Variants in INSR observed in about 807,000 individuals in gnomAD.
The protein encoded by INSR is insulin receptor, also known as IR.
INSR carries 67 observed loss-of-function variants against 142.6 expected under a neutral mutation model. The observed-to-expected ratio is 0.47, with a 90% CI of 0.39 to 0.58. The LOEUF is 0.58. Ranked by LOEUF, INSR falls within the 20% of genes least tolerant of loss-of-function variation. The probability of loss-of-function intolerance (pLI) is 0.00; values close to 1 mark genes in which losing one functional copy is unlikely to be tolerated. For missense variants in INSR, 1,248 were observed against 1,833.2 expected, an observed-to-expected ratio of 0.68 and a Z score of 5.83; for synonymous variants, 756 against 743.1, an observed-to-expected ratio of 1.02 and a Z score of -0.28.
At chr19:7,178,252 G>C (rs1025220965) in intron 3 of INSR, among the ~76,000 whole-genome samples, 5 of 131,898 alleles carry the variant, frequency 3.8e-5, no homozygotes, top group African/African-American at 1.1e-4. Flanking sequence ...GTGGGGGGGG[G>C]GGTGCCTAGA....
intron 2 of INSR, among the ~76,000 whole-genome samples, chr19:7,221,409 G>T (rs1430874947): frequency 1.9e-5 from 2 of 106,208 alleles, no homozygotes; most frequent in Non-Finnish European, 4.0e-5. Context: ...GAGGAGGAAA[G>T]AAGAAGAAGA....
intron 2 of INSR, among the ~76,000 whole-genome samples, chr19:7,227,460 AT>A (rs1174748094): frequency 6.6e-6 from 1 of 152,014 alleles, no homozygotes; most frequent in East Asian, 1.9e-4. Context: ...TTTTGTAGAG[AT>A]GGGGTTTCAC....
chr19:7,189,715 G>A (rs1348608288), intron 2 of INSR, among the ~76,000 whole-genome samples: 1 of 149,244 alleles, frequency 6.7e-6, no homozygotes, highest in African/African-American at 2.5e-5. Context: ...CCAGGCTGAA[G>A]TACAGCGGTG....
intron 11 of INSR, among the ~76,000 whole-genome samples, chr19:7,149,560 G>A (rs917423209): frequency 6.6e-5 from 10 of 152,200 alleles, no homozygotes; most frequent in African/African-American, 1.7e-4. Context: ...GGTGGCTCAC[G>A]CCTGTAATTC....
chr19:7,274,139 G>A (rs1600119776), intron 1 of INSR, among the ~76,000 whole-genome samples: 2 of 152,132 alleles, frequency 1.3e-5, no homozygotes, highest in African/African-American at 4.8e-5. Flanking sequence ...CACGGGATGG[G>A]TGGTGATGGT....
intron 9 of INSR, among the ~76,000 whole-genome samples, chr19:7,157,908 A>G (rs1261199147): frequency 6.6e-6 from 1 of 152,040 alleles, no homozygotes; most frequent in Admixed American, 6.6e-5. Flanking sequence ...TTAAAAGCCT[A>G]TGAGAGACTG....
At chr19:7,211,595 A>G (rs927046437) in intron 2 of INSR, among the ~76,000 whole-genome samples, 1 of 152,212 alleles carries the variant, frequency 6.6e-6, no homozygotes, top group Admixed American at 6.5e-5. Flanking sequence ...CAACAAAAGA[A>G]AAGTGCACCA....
intron 3 of INSR, among the ~76,000 whole-genome samples, chr19:7,178,442 C>CGGG (rs1040807670): frequency 6.6e-6 from 1 of 152,056 alleles, no homozygotes; most frequent in African/African-American, 2.4e-5. Flanking sequence ...GATACTGGGC[C>CGGG]GGGTGCAGTG....
intron 2 of INSR, among the ~76,000 whole-genome samples, chr19:7,260,131 G>A (rs1353064653): frequency 2.0e-5 from 3 of 152,112 alleles, no homozygotes; most frequent in Non-Finnish European, 4.4e-5. Flanking sequence ...ATTTAAACTC[G>A]TGCATTTAAA....
In INSR at chr19:7,184,378, G is replaced by T. The variant is rs893964695; in HGVS notation, c.912C>A (p.Tyr304Ter). The T allele has an allele frequency of 6.2e-7, 1 of 1,613,920 alleles. No homozygotes were observed. Among genetic ancestry groups the T allele is most frequent in the African/African-American group, 1.3e-5 (1 of 74,868 alleles). The change falls in exon 3 of 22, where the codon TAC becomes TAA. Residue 304 changes from tyrosine (Y) to a stop codon, truncating the protein, a stop_gained. Coordinates refer to ENST00000302850, the MANE Select transcript of INSR (RefSeq NM_000208.4). LOFTEE classifies it high-confidence loss of function. Reference sequence around the variant, plus strand: ...GGATGCACTTGTTGTTGTGAATGACGTACTGGTGGCAGCCCTGCCTCCGCG... The same window carrying T: ...GGATGCACTTGTTGTTGTGAATGACTTACTGGTGGCAGCCCTGCCTCCGCG... ...KNSRRQGCHQ[Y>*]VIHNNKCIPE...
rs966488425 is a variant in INSR, at chr19:7,196,702, T to C, written c.653-12065A>G. 2.0e-5 allele frequency among the ~76,000 whole-genome samples: 3 copies of C among 152,256 alleles called. 1 individual carries two copies. Among genetic ancestry groups the C allele is most frequent in the East Asian group, 1.9e-4 (1 of 5,178 alleles). ...CTCCACATATGTTAATAACATTTTGTTACATTCTTTCCAAAGCTTAAAACT... is the reference window on the plus strand; with the variant it reads ...CTCCACATATGTTAATAACATTTTGCTACATTCTTTCCAAAGCTTAAAACT... On this transcript the variant is annotated intron_variant, in intron 2 of 21. Transcript: ENST00000302850.
intron 2 of INSR, among the ~76,000 whole-genome samples, chr19:7,263,215 G>A (rs1977118322): frequency 1.3e-5 from 2 of 151,812 alleles, no homozygotes; most frequent in African/African-American, 4.8e-5. Context: ...GGAGGCGGAG[G>A]TTGCAGTGAG....
rs1973447509 is a variant in INSR, at chr19:7,153,126, A to ACCACG, written c.2030-200_2030-199insCGTGG. Among the ~76,000 whole-genome samples, 2 of 45,076 alleles carry ACCACG rather than the reference A, an allele frequency of 4.4e-5. 1 individual carries two copies. The highest frequency in any genetic ancestry group is 1.2e-4 in the African/African-American group (2 of 16,010). 29.6% of individuals were successfully genotyped at this position (45,076 alleles called of 152,430 possible). ...ACCACAAACACACAACCACACACACACACCACACACCACACACACCACACA... is the reference window on the plus strand; with the variant it reads ...ACCACAAACACACAACCACACACACACCACGCACCACACACCACACACACCACACA... On this transcript the variant is annotated intron_variant, in intron 9 of 21. Coordinates refer to ENST00000302850, the MANE Select transcript of INSR (RefSeq NM_000208.4).
chr19:7,206,094 G>A (rs151301316), intron 2 of INSR, among the ~76,000 whole-genome samples: 4 of 152,258 alleles, frequency 2.6e-5, no homozygotes, highest in Admixed American at 6.5e-5. Flanking sequence ...AGGGGATGAC[G>A]CACAAAATAG....
intron 2 of INSR, among the ~76,000 whole-genome samples, chr19:7,212,360 C>T (rs986292309): frequency 1.2e-4 from 19 of 152,180 alleles, no homozygotes; most frequent in African/African-American, 4.6e-4. Context: ...GTCACACTGC[C>T]ATTCCCCATC....
chr19:7,213,042 G>T (rs756663971), intron 2 of INSR, among the ~76,000 whole-genome samples: 4 of 152,006 alleles, frequency 2.6e-5, no homozygotes, highest in Admixed American at 6.6e-5. Context: ...TAACAGTGAA[G>T]ATGCTTTAAA....
At chr19:7,274,644 CA>C (rs927123572) in intron 1 of INSR, among the ~76,000 whole-genome samples, 17 of 145,712 alleles carry the variant, frequency 1.2e-4, no homozygotes, top group Admixed American at 1.4e-4. Context: ...ACTAAAAATA[CA>C]AAAAAAAAAT....
intron 1 of INSR, among the ~76,000 whole-genome samples, chr19:7,269,593 C>T (rs1568230509): frequency 6.6e-6 from 1 of 151,594 alleles, no homozygotes; most frequent in Non-Finnish European, 1.5e-5. Flanking sequence ...GTCCCAGCCC[C>T]CCCACCCCTC....
chr19:7,141,147 A>G (rs1381791639), intron 13 of INSR, among the ~76,000 whole-genome samples: 1 of 152,062 alleles, frequency 6.6e-6, no homozygotes, highest in Non-Finnish European at 1.5e-5. Flanking sequence ...GCTTCAAGTG[A>G]TTCTCCTGCC....
Sources: allele counts gnomAD v4.1 joint callset (sites outside exome capture counted in the v4.1 genomes callset), GRCh38; gene constraint gnomAD v4.1.1; transcripts MANE v1.5; gene names NCBI Gene and HGNC (gene_info 2026-07-23, HGNC 2026-07-21).